PBX1: variants seen among roughly 807,000 people sequenced by gnomAD.
PBX1 encodes PBX homeobox 1.
A neutral mutation model predicts 53.4 loss-of-function variants in PBX1; 6 were observed. The observed-to-expected ratio is 0.11, with a 90% CI of 0.06 to 0.22. The LOEUF is 0.22. Ranked by LOEUF, PBX1 falls within the 10% of genes least tolerant of loss-of-function variation. The pLI, the probability that PBX1 is intolerant of heterozygous loss-of-function variation, is 1.00. For missense variants in PBX1, 251 were observed against 551.4 expected, an observed-to-expected ratio of 0.46 and a Z score of 5.46; for synonymous variants, 204 against 212.3, an observed-to-expected ratio of 0.96 and a Z score of 0.34.
At chr1:164,576,331 T>C (rs1654232329) in intron 2 of PBX1, among the ~76,000 whole-genome samples, 1 of 152,188 alleles carries the variant, frequency 6.6e-6, no homozygotes, top group South Asian at 2.1e-4. Flanking sequence ...ATCTGTTGAC[T>C]TCACCGCAGG....
At chr1:164,795,680 G>A (rs1668746258) in intron 3 of PBX1, among the ~76,000 whole-genome samples, 1 of 152,144 alleles carries the variant, frequency 6.6e-6, no homozygotes. Context: ...ATAGCAGATT[G>A]TAGGGAAATT....
At chr1:164,757,811 T>TC (rs1666611131) in intron 2 of PBX1, among the ~76,000 whole-genome samples, 1 of 76,848 alleles carries the variant, frequency 1.3e-5, no homozygotes, top group Non-Finnish European at 3.3e-5. Flanking sequence ...TAAAACTTTT[T>TC]ATCAACCACC....
intron 2 of PBX1, among the ~76,000 whole-genome samples, chr1:164,603,929 A>ATATTTTTT (rs1656368523): frequency 1.3e-5 from 1 of 75,742 alleles, no homozygotes; most frequent in African/African-American, 6.2e-5. Flanking sequence ...ATGTCATTTC[A>ATATTTTTT]TTTTTTTTTT....
chr1:164,824,262 C>T (rs1490130503), intron 8 of PBX1, among the ~76,000 whole-genome samples: 2 of 152,150 alleles, frequency 1.3e-5, no homozygotes, highest in African/African-American at 4.8e-5. Context: ...ACTGACCACA[C>T]AGCAGTAGAA....
intron 2 of PBX1, among the ~76,000 whole-genome samples, chr1:164,688,126 A>G (rs953506302): frequency 6.6e-6 from 1 of 152,140 alleles, no homozygotes; most frequent in Non-Finnish European, 1.5e-5. Context: ...AGGACCATGC[A>G]TCTCATGCTA....
intron 2 of PBX1, among the ~76,000 whole-genome samples, chr1:164,598,810 A>G (rs1190996937): frequency 6.6e-6 from 1 of 152,228 alleles, no homozygotes; most frequent in Non-Finnish European, 1.5e-5. Flanking sequence ...CTCGGAGCGT[A>G]TAGCATATTT....
chr1:164,595,663 G>A (rs1655705079), intron 2 of PBX1, among the ~76,000 whole-genome samples: 1 of 152,144 alleles, frequency 6.6e-6, no homozygotes, highest in Non-Finnish European at 1.5e-5. Context: ...GAAACCACCA[G>A]TGGGAAATCT....
At chr1:164,713,888 AG>A (rs1201232957) in intron 2 of PBX1, among the ~76,000 whole-genome samples, 1 of 152,232 alleles carries the variant, frequency 6.6e-6, no homozygotes, top group South Asian at 2.1e-4. Flanking sequence ...CGAAGCAGGA[AG>A]GGAAAAATTA....
At chr1:164,731,707 T>C (rs1664996458) in intron 2 of PBX1, among the ~76,000 whole-genome samples, 1 of 152,218 alleles carries the variant, frequency 6.6e-6, no homozygotes, top group Non-Finnish European at 1.5e-5. Context: ...TGTGGTTTAA[T>C]TTACTGCGAC....
chr1:164,830,904 C>T (rs1447565048), intron 8 of PBX1, among the ~76,000 whole-genome samples: 6 of 152,160 alleles, frequency 3.9e-5, no homozygotes, highest in Admixed American at 3.9e-4. Context: ...TTAACGAGAT[C>T]CCCTGGCAAT....
chr1:164,775,765 G>A (rs1480485990), intron 2 of PBX1, among the ~76,000 whole-genome samples: 2 of 152,166 alleles, frequency 1.3e-5, no homozygotes, highest in African/African-American at 4.8e-5. Context: ...CCTACAAATG[G>A]CTATTCGGTT....
intron 2 of PBX1, among the ~76,000 whole-genome samples, chr1:164,882,841 C>CATGCT (rs200106119): frequency 0.047 from 7,091 of 152,050 alleles, 199 homozygotes; most frequent in East Asian, 0.093. Context: ...AAATATGATA[C>CATGCT]ATGCTATGCT....
chr1:164,844,009 T>C (rs1422650867), intron 8 of PBX1, among the ~76,000 whole-genome samples: 3 of 152,136 alleles, frequency 2.0e-5, no homozygotes, highest in Non-Finnish European at 4.4e-5. Flanking sequence ...CATTGTTCCA[T>C]GACCTATGAC....
intron 8 of PBX1, chr1:164,829,369 T>G (rs2102384741): frequency 6.6e-6 from 1 of 152,328 alleles, no homozygotes; most frequent in Non-Finnish European, 1.5e-5. Context: ...GCAAAAGCTG[T>G]TCTTTGCTTC....
At chr1:164,779,501 T>C (rs73029025) in intron 2 of PBX1, among the ~76,000 whole-genome samples, 2,055 of 152,276 alleles carry the variant, frequency 0.013, 55 homozygotes, top group African/African-American at 0.047. Flanking sequence ...TAAGTGGACA[T>C]GACCAGTCTG....
At chr1:164,653,772 G>A (rs1262634245) in intron 2 of PBX1, among the ~76,000 whole-genome samples, 1 of 152,030 alleles carries the variant, frequency 6.6e-6, no homozygotes, top group East Asian at 1.9e-4. Context: ...GTGAGCTGAG[G>A]CACAGGGCAG....
intron 8 of PBX1, among the ~76,000 whole-genome samples, chr1:164,842,198 CTGGT>C (rs1380646132): frequency 6.6e-6 from 1 of 152,150 alleles, no homozygotes; most frequent in Non-Finnish European, 1.5e-5. Context: ...GGTCCCCGTT[CTGGT>C]TCAAGGAGGG....
At chr1:164,879,780 A>T (rs2102464162) in intron 2 of PBX1, among the ~76,000 whole-genome samples, 1 of 152,350 alleles carries the variant, frequency 6.6e-6, no homozygotes, top group East Asian at 1.9e-4. Flanking sequence ...AACTTTTTCA[A>T]ATCTACTTAT....
At chr1:164,592,756 C>T (rs1040494106) in intron 2 of PBX1, among the ~76,000 whole-genome samples, 1 of 152,154 alleles carries the variant, frequency 6.6e-6, no homozygotes. Flanking sequence ...TATCCCCAAC[C>T]ATCCCTCCTG....
Sources: gnomAD v4.1 joint callset for allele counts (sites outside exome capture counted in the v4.1 genomes callset) on GRCh38, gnomAD v4.1.1 for gene constraint, MANE v1.5 for transcripts, NCBI Gene and HGNC (gene_info 2026-07-23, HGNC 2026-07-21) for gene names.